FSTL4: variants seen among roughly 807,000 people sequenced by gnomAD.
The protein encoded by FSTL4 is follistatin like 4.
Under a neutral mutation model 78.2 loss-of-function variants are expected in FSTL4, and 28 were observed. The ratio of observed to expected loss-of-function variants is 0.36; its 90% confidence interval spans 0.27 to 0.49. The LOEUF is 0.49. Among genes scored for constraint, FSTL4 ranks in the 20% least tolerant of loss-of-function variants. The probability of loss-of-function intolerance (pLI) is 0.98; values close to 1 mark genes in which losing one functional copy is unlikely to be tolerated. For synonymous variants in FSTL4, 422 were observed against 440.5 expected (o/e 0.96, Z 0.53); for missense variants, 922 against 1,084.9 (o/e 0.85, Z 2.11).
intron 4 of FSTL4, among the ~76,000 whole-genome samples, chr5:133,321,410 G>A (rs1754047246): frequency 6.6e-6 from 1 of 152,210 alleles, no homozygotes; most frequent in Non-Finnish European, 1.5e-5. Flanking sequence ...ACAGGGGCAG[G>A]GTCCAGTCTT....
At chr5:133,743,298 C>T in the FSTL4 span, among the ~76,000 whole-genome samples, 1 of 152,202 alleles carries the variant, frequency 6.6e-6, no homozygotes, top group African/African-American at 2.4e-5. Context: ...GGAATTTGGA[C>T]AGCATTTCTT....
the FSTL4 span, among the ~76,000 whole-genome samples, chr5:133,756,099 A>G: frequency 0.33 from 50,205 of 151,952 alleles, 9,028 homozygotes; most frequent in African/African-American, 0.47. Flanking sequence ...GGGAGGAGGC[A>G]GCTGGCAAGA....
intron 4 of FSTL4, among the ~76,000 whole-genome samples, chr5:133,391,203 T>C (rs1355526984): frequency 6.6e-6 from 1 of 152,174 alleles, no homozygotes; most frequent in Non-Finnish European, 1.5e-5. Context: ...AGAGATTCAA[T>C]ACATGGTGTC....
chr5:133,665,783 C>A, the FSTL4 span, among the ~76,000 whole-genome samples: 1 of 152,330 alleles, frequency 6.6e-6, no homozygotes, highest in Admixed American at 6.5e-5. Context: ...GGTCTCTTCC[C>A]CCTCCTCTGT....
At chr5:133,420,898 T>G (rs1473356854) in intron 3 of FSTL4, among the ~76,000 whole-genome samples, 1 of 152,220 alleles carries the variant, frequency 6.6e-6, no homozygotes, top group East Asian at 1.9e-4. Flanking sequence ...ACGAGAAGGG[T>G]GACGGGACAG....
At chr5:133,470,382 C>G (rs184633090) in intron 3 of FSTL4, among the ~76,000 whole-genome samples, 3 of 152,294 alleles carry the variant, frequency 2.0e-5, no homozygotes, top group South Asian at 4.1e-4. Context: ...AACTAGTATC[C>G]TCAGTCGGTT....
chr5:133,665,090 G>A, the FSTL4 span, among the ~76,000 whole-genome samples: 2 of 152,142 alleles, frequency 1.3e-5, no homozygotes, highest in Non-Finnish European at 2.9e-5. Flanking sequence ...AGCAGTATGA[G>A]GCTCCTTCTC....
At chr5:133,281,515 T>A (rs2126859268) in intron 6 of FSTL4, among the ~76,000 whole-genome samples, 1 of 152,254 alleles carries the variant, frequency 6.6e-6, no homozygotes, top group South Asian at 2.1e-4. Flanking sequence ...GAGGTAAATC[T>A]GCCCAGCTCT....
At chr5:133,222,170 G>A (rs1751157972) in intron 11 of FSTL4, among the ~76,000 whole-genome samples, 1 of 151,936 alleles carries the variant, frequency 6.6e-6, no homozygotes, top group African/African-American at 2.4e-5. Flanking sequence ...GACAGGCTCT[G>A]GGCAGGAGGG....
At chr5:133,652,628 G>T in the FSTL4 span, among the ~76,000 whole-genome samples, 4 of 152,150 alleles carry the variant, frequency 2.6e-5, no homozygotes, top group Non-Finnish European at 5.9e-5. Flanking sequence ...AGCAGACATT[G>T]TATGATTCCC....
chr5:133,539,630 G>A (rs773871581), intron 3 of FSTL4, among the ~76,000 whole-genome samples: 12 of 152,032 alleles, frequency 7.9e-5, no homozygotes, highest in Non-Finnish European at 1.3e-4. Context: ...TTAGGGCTCC[G>A]GTCGACTCCA....
intron 6 of FSTL4, 186 bp downstream of exon 6, chr5:133,312,468 C>T: frequency 8.2e-6 from 5 of 608,432 alleles, no homozygotes; most frequent in Non-Finnish European, 1.5e-5. Context: ...CCCTCTCTGG[C>T]CCCATCCACT....
At chr5:133,278,588 T>C (rs1011970656) in intron 6 of FSTL4, among the ~76,000 whole-genome samples, 29 of 152,324 alleles carry the variant, frequency 1.9e-4, no homozygotes, top group African/African-American at 5.8e-4. Flanking sequence ...CCTGGTCTCC[T>C]GCCTGTCCCA....
At chr5:133,402,029 G>T (rs983957344) in intron 3 of FSTL4, among the ~76,000 whole-genome samples, 3 of 152,138 alleles carry the variant, frequency 2.0e-5, no homozygotes, top group African/African-American at 7.2e-5. Context: ...CCGAGGTAGG[G>T]AGACCAGAGG....
At chr5:133,260,800 CT>C (rs1450339374) in intron 6 of FSTL4, among the ~76,000 whole-genome samples, 1 of 152,224 alleles carries the variant, frequency 6.6e-6, no homozygotes, top group Non-Finnish European at 1.5e-5. Context: ...GCACTGGCCC[CT>C]GATGGCCTGA....
chr5:133,298,988 G>T (rs1160238748), intron 6 of FSTL4, among the ~76,000 whole-genome samples: 1 of 152,270 alleles, frequency 6.6e-6, no homozygotes, highest in African/African-American at 2.4e-5. Context: ...GTAGACATTT[G>T]AGGTTACAGA....
intron 3 of FSTL4, among the ~76,000 whole-genome samples, chr5:133,521,833 A>C (rs905465829): frequency 6.6e-6 from 1 of 152,140 alleles, no homozygotes; most frequent in African/African-American, 2.4e-5. Context: ...TAAGTAAGAA[A>C]GCCGCTAGAT....
chr5:133,662,419 T>G, the FSTL4 span, among the ~76,000 whole-genome samples: 1 of 152,164 alleles, frequency 6.6e-6, no homozygotes. Flanking sequence ...TGGAATGCAA[T>G]TGGAATTTGT....
chr5:133,375,684 G>A (rs1755417693), intron 4 of FSTL4, among the ~76,000 whole-genome samples: 1 of 151,984 alleles, frequency 6.6e-6, no homozygotes, highest in Non-Finnish European at 1.5e-5. Flanking sequence ...ACTCCCGTTG[G>A]GTATAGTTGA....
Sources: gnomAD v4.1 joint callset for allele counts (sites outside exome capture counted in the v4.1 genomes callset) on GRCh38, gnomAD v4.1.1 for gene constraint, MANE v1.5 for transcripts, NCBI Gene and HGNC (gene_info 2026-07-23, HGNC 2026-07-21) for gene names.